Variants in GAB1 observed in about 807,000 individuals in gnomAD.
GAB1 encodes GRB2 associated binding protein 1.
Under a neutral mutation model 66.5 loss-of-function variants are expected in GAB1, and 19 were observed. That is an observed-to-expected ratio of 0.29 (90% CI 0.20 to 0.42). The LOEUF is 0.42. GAB1 is among the 10% of genes least tolerant of loss of function. The probability of loss-of-function intolerance (pLI) is 1.00; values close to 1 mark genes in which losing one functional copy is unlikely to be tolerated. For missense variants in GAB1, 732 were observed against 858.5 expected, an observed-to-expected ratio of 0.85 and a Z score of 1.84; for synonymous variants, 294 against 301.4, an observed-to-expected ratio of 0.98 and a Z score of 0.25.
At chr4:143,395,936 T>A in intron 1 of GAB1, 1 of 455,748 alleles carries the variant, frequency 2.2e-6, no homozygotes, top group South Asian at 1.5e-5. Context: ...ATGAAATTTG[T>A]GTGCCAGTCT....
In GAB1 at chr4:143,342,718, C is replaced by T. The variant is rs572056220; in HGVS notation, c.72+5458C>T. Among the ~76,000 whole-genome samples the T allele has an allele frequency of 2.1e-3, 321 of 151,682 alleles. 2 individuals are homozygous for T. The highest frequency in any genetic ancestry group is 7.1e-3 in the African/African-American group (294 of 41,350). On this transcript the variant is annotated intron_variant, in intron 1 of 9. Coordinates refer to ENST00000262994, the MANE Select transcript of GAB1 (RefSeq NM_002039.4). ...GATTACAGGCTCCTGCCACCACGCC[C>T]GGCAAATTTTTTTTTTGTATTTTTA...
intron 1 of GAB1, among the ~76,000 whole-genome samples, chr4:143,405,583 C>T (rs1386090537): frequency 7.9e-5 from 12 of 152,164 alleles, no homozygotes; most frequent in Admixed American, 7.9e-4. Context: ...TTAAGACATT[C>T]ATTCATTTGT....
chr4:143,366,984 C>T (rs960460133), intron 1 of GAB1, among the ~76,000 whole-genome samples: 3 of 152,034 alleles, frequency 2.0e-5, no homozygotes, highest in South Asian at 2.1e-4. Flanking sequence ...ATTTTTTCCC[C>T]TTGATTGAAT....
rs531982020 is a variant in GAB1 at position 143,468,056 on chromosome 4, C to A, written c.1927-975C>A. ...TCCAAAAACATTTCTTGTTAGCTCT[C>A]AAAGTAAACATTGATTCATGTTCTC... On this transcript the variant is annotated intron_variant, in intron 9 of 9. Transcript: ENST00000262994. 5.3e-5 allele frequency among the ~76,000 whole-genome samples: 8 copies of A among 152,188 alleles called. No individual in the cohort carries two copies. In the South Asian group the frequency reaches 1.7e-3, roughly 32 times the overall value.
At chr4:143,389,623 C>CAAGCTT (rs1438513200) in intron 1 of GAB1, among the ~76,000 whole-genome samples, 31 of 152,290 alleles carry the variant, frequency 2.0e-4, no homozygotes, top group African/African-American at 5.8e-4. Flanking sequence ...AATTTTTACT[C>CAAGCTT]AAGATAAAAA....
intron 6 of GAB1, among the ~76,000 whole-genome samples, chr4:143,445,829 C>T (rs1054024969): frequency 1.3e-5 from 2 of 152,032 alleles, no homozygotes; most frequent in African/African-American, 4.8e-5. Context: ...TTTTAGGGTA[C>T]ATGTGCACAA....
At position 143,413,915 on chromosome 4, in the gene GAB1, G is replaced by A. The variant is rs918578391; in HGVS notation, c.73-1562G>A. Among the ~76,000 whole-genome samples the A allele has an allele frequency of 4.2e-5, 6 of 144,162 alleles. No individual in the cohort carries two copies. The South Asian group carries it at 6.8e-4, about 16-fold the overall frequency. The allele number at this position is 144,162 out of a possible 152,430, so 94.6% of individuals were successfully genotyped here. On this transcript the variant is annotated intron_variant, in intron 1 of 9. Coordinates refer to ENST00000262994, the MANE Select transcript of GAB1 (RefSeq NM_002039.4). The stretch of plus-strand genomic sequence containing the variant: ...TCAGCTCACTGCAACTGCCAACTCC[G>A]GGTTCAAGCGATTCTCCTGCCTCAG...
intron 2 of GAB1, among the ~76,000 whole-genome samples, chr4:143,432,598 C>G (rs1733714665): frequency 6.6e-6 from 1 of 152,002 alleles, no homozygotes; most frequent in Non-Finnish European, 1.5e-5. Flanking sequence ...TCTATAATAA[C>G]AAATTTTAAG....
At chr4:143,433,844 A>G (rs1733804282) in intron 3 of GAB1, 128 bp downstream of exon 3, 2 of 728,744 alleles carry the variant, frequency 2.7e-6, no homozygotes, top group South Asian at 1.8e-5. Flanking sequence ...GTATAGGCAT[A>G]TGTTTCAGGC....
intron 2 of GAB1, among the ~76,000 whole-genome samples, chr4:143,432,855 C>T (rs969077579): frequency 3.3e-5 from 5 of 152,106 alleles, no homozygotes; most frequent in Admixed American, 6.6e-5. Flanking sequence ...ACTTGCTGGA[C>T]CTCTTTCCAT....
intron 6 of GAB1, among the ~76,000 whole-genome samples, chr4:143,442,739 A>C (rs1167263050): frequency 6.6e-6 from 1 of 152,110 alleles, no homozygotes; most frequent in Non-Finnish European, 1.5e-5. Context: ...ACGTAAAAGA[A>C]CTTAATAGAA....
At position 143,433,504 on chromosome 4, in the gene GAB1, A is replaced by T. The variant is rs748212158; in HGVS notation, c.381A>T (p.Pro127=). 3.5e-5 allele frequency: 57 copies of T among 1,613,712 alleles called. No homozygotes were observed. The highest frequency in any genetic ancestry group is 4.8e-5 in the Non-Finnish European group (57 of 1,179,790). The change falls in exon 3 of 10, where the codon CCA becomes CCT. Residue 127 remains proline, a synonymous_variant. Transcript: ENST00000262994. The part of the protein sequence containing the change: ...FNPTEEDPVK[P]PGSSLQAPAD... Reference sequence around the variant, plus strand: ...TTGGTGTTGCAGATCCTGTGAAGCCACCTGGCAGCTCTTTACAAGCACCAG... The same window carrying T: ...TTGGTGTTGCAGATCCTGTGAAGCCTCCTGGCAGCTCTTTACAAGCACCAG...
At chr4:143,436,008 T>C (rs977999540) in intron 3 of GAB1, among the ~76,000 whole-genome samples, 1 of 152,202 alleles carries the variant, frequency 6.6e-6, no homozygotes, top group African/African-American at 2.4e-5. Flanking sequence ...GCAAGGAGCT[T>C]TACTTATTAC....
chr4:143,338,542 A>G (rs1276561156), intron 1 of GAB1, among the ~76,000 whole-genome samples: 2 of 152,204 alleles, frequency 1.3e-5, no homozygotes, highest in African/African-American at 2.4e-5. Flanking sequence ...AATTTTATTG[A>G]AAGACTCGAT....
intron 1 of GAB1, among the ~76,000 whole-genome samples, chr4:143,340,202 GT>G (rs550087445): frequency 8.9e-4 from 135 of 151,978 alleles, no homozygotes; most frequent in African/African-American, 3.1e-3. Context: ...TCCTATGCTT[GT>G]TTTTTTTATG....
intron 2 of GAB1, among the ~76,000 whole-genome samples, chr4:143,432,679 T>G (rs755468699): frequency 2.0e-5 from 3 of 152,176 alleles, no homozygotes; most frequent in Non-Finnish European, 4.4e-5. Flanking sequence ...CTAAACAGAC[T>G]AACAGCATTT....
intron 1 of GAB1, among the ~76,000 whole-genome samples, chr4:143,409,626 C>T (rs1349846233): frequency 6.6e-6 from 1 of 151,870 alleles, no homozygotes; most frequent in Non-Finnish European, 1.5e-5. Context: ...TATTCTACAG[C>T]AATGCAAGAG....
At chr4:143,464,954 T>G (rs1282649089) in intron 8 of GAB1, among the ~76,000 whole-genome samples, 1 of 152,228 alleles carries the variant, frequency 6.6e-6, no homozygotes, top group Non-Finnish European at 1.5e-5. Context: ...TTATTCATCA[T>G]AACATGTATA....
intron 3 of GAB1, among the ~76,000 whole-genome samples, chr4:143,436,399 T>A (rs1378326027): frequency 6.6e-6 from 1 of 152,158 alleles, no homozygotes; most frequent in Non-Finnish European, 1.5e-5. Flanking sequence ...CTTACTAGGT[T>A]TTTCTCTTGA....
Sources: gnomAD v4.1 joint callset for allele counts (sites outside exome capture counted in the v4.1 genomes callset) on GRCh38, gnomAD v4.1.1 for gene constraint, MANE v1.5 for transcripts, NCBI Gene and HGNC (gene_info 2026-07-23, HGNC 2026-07-21) for gene names.